Variants in CD1D observed in about 807,000 individuals in gnomAD.
CD1D encodes the protein CD1d molecule, also known as antigen-presenting glycoprotein CD1d.
In CD1D, 40 loss-of-function variants were observed where a neutral mutation model predicts 42.1. That is an observed-to-expected ratio of 0.95 (90% CI 0.74 to 1.24). CD1D has a LOEUF of 1.24. Ranked by LOEUF, CD1D falls within the 50% of genes most tolerant of loss-of-function variation. The probability of loss-of-function intolerance (pLI) is 0.00; values close to 1 mark genes in which losing one functional copy is unlikely to be tolerated. For synonymous variants in CD1D, 178 were observed against 171.8 expected, an observed-to-expected ratio of 1.04 and a Z score of -0.28; for missense variants, 437 against 416.5, an observed-to-expected ratio of 1.05 and a Z score of -0.43.
upstream of CD1D, among the ~76,000 whole-genome samples, chr1:158,179,711 A>C (rs1209871961): frequency 6.6e-6 from 1 of 152,178 alleles, no homozygotes; most frequent in East Asian, 1.9e-4. Flanking sequence ...CTGATACCTT[A>C]GTGGAAATAA....
rs1015794963 is a variant in CD1D at position 158,185,562 on chromosome 1, G to A, written c.*1412G>A. Among the ~76,000 whole-genome samples the A allele has an allele frequency of 6.6e-6, 1 of 152,118 alleles. No individual in the cohort carries two copies. Among genetic ancestry groups the A allele is most frequent in the Non-Finnish European group, 1.5e-5 (1 of 68,030 alleles). ...AAACTAGCCACCCATGGTGGTGAGCGCCTGTAGTCCTAGCTACTCTGGAGG... is the reference window on the plus strand; with the variant it reads ...AAACTAGCCACCCATGGTGGTGAGCACCTGTAGTCCTAGCTACTCTGGAGG... On this transcript the variant is annotated 3_prime_UTR_variant, in exon 6 of 6. Transcript: ENST00000674085.
At chr1:158,184,064 C>G in intron 5 of CD1D, 29 bp downstream of exon 5, 1 of 1,612,942 alleles carries the variant, frequency 6.2e-7, no homozygotes, top group South Asian at 1.1e-5. Flanking sequence ...TTTCCTCAAC[C>G]TCTCTCCCCT....
At chr1:158,178,997 A>AAAC (rs1648275677), upstream of CD1D, among the ~76,000 whole-genome samples, 1 of 149,800 alleles carries the variant, frequency 6.7e-6, no homozygotes, top group African/African-American at 2.4e-5. Context: ...GTTGATAAAC[A>AAAC]AACAAAAACA....
In CD1D at chr1:158,184,239, A is replaced by G; in HGVS notation, c.*89A>G. On this transcript the variant is annotated 3_prime_UTR_variant, in exon 6 of 6. Transcript: ENST00000674085. ...CAGTCCTGGTCTGCTCAGGAATTGAAGATGTAAGGAATTGAAGATAGGAGA... is the reference window on the plus strand; with the variant it reads ...CAGTCCTGGTCTGCTCAGGAATTGAGGATGTAAGGAATTGAAGATAGGAGA... 1 of 1,355,692 alleles carries G rather than the reference A, an allele frequency of 7.4e-7. No homozygotes were observed. The highest frequency in any genetic ancestry group is 1.2e-5 in the South Asian group (1 of 83,566). The allele number at this position is 1,355,692 out of a possible 1,614,324, so 84.0% of individuals were successfully genotyped here.
At chr1:158,184,063 CCT>C in intron 5 of CD1D, 28 bp downstream of exon 5, 2 of 1,612,934 alleles carry the variant, frequency 1.2e-6, no homozygotes, top group Non-Finnish European at 8.5e-7. Context: ...CTTTCCTCAA[CCT>C]CTCTCCCCTT....
chr1:158,180,848 A>G (rs575553325), upstream of CD1D: 2 of 423,828 alleles, frequency 4.7e-6, no homozygotes, highest in Admixed American at 3.9e-5. Flanking sequence ...TGTGAAACCT[A>G]CTGAAGTGAG....
chr1:158,183,362 TC>T (rs1378647941), intron 4 of CD1D, among the ~76,000 whole-genome samples: 1 of 152,052 alleles, frequency 6.6e-6, no homozygotes, highest in Admixed American at 6.5e-5. Flanking sequence ...GAAATAGTGC[TC>T]TCTATATACA....
chr1:158,179,706 A>T (rs553351316), upstream of CD1D, among the ~76,000 whole-genome samples: 2 of 152,300 alleles, frequency 1.3e-5, no homozygotes, highest in African/African-American at 4.8e-5. Flanking sequence ...TGGAACTGAT[A>T]CCTTAGTGGA....
chr1:158,181,857 A>G, intron 2 of CD1D, 136 bp downstream of exon 2: 1 of 1,362,438 alleles, frequency 7.3e-7, no homozygotes, highest in Non-Finnish European at 1.0e-6. Context: ...TTCTACCTGG[A>G]GATGTCCCAG....
chr1:158,178,890 A>G (rs1194079181), upstream of CD1D, among the ~76,000 whole-genome samples: 2 of 152,222 alleles, frequency 1.3e-5, no homozygotes, highest in Non-Finnish European at 2.9e-5. Context: ...GAAAGTTCCA[A>G]TAGCCAAAAA....
chr1:158,181,555 G>A lies in CD1D; in HGVS notation c.162G>A (p.Gln54=). Residue 54 remains glutamine, a synonymous_variant, in exon 2 of 6, where the codon CAG becomes CAA. Transcript: ENST00000674085. ...GCTTGGCGTGGCTGGGGGAGCTGCAGACGCACAGCTGGAGCAACGACTCGG... is the reference window on the plus strand; with the variant it reads ...GCTTGGCGTGGCTGGGGGAGCTGCAAACGCACAGCTGGAGCAACGACTCGG... ...TDGLAWLGEL[Q]THSWSNDSDT... 6.2e-7 allele frequency: 1 copy of A among 1,614,190 alleles called. No homozygotes were observed. Among genetic ancestry groups the A allele is most frequent in the African/African-American group, 1.3e-5 (1 of 75,040 alleles).
In CD1D at chr1:158,185,489, A is replaced by G. The variant is rs1451612604; in HGVS notation, c.*1339A>G. On this transcript the variant is annotated 3_prime_UTR_variant, in exon 6 of 6. Coordinates refer to ENST00000674085, the MANE Select transcript of CD1D (RefSeq NM_001371762.2). Reference sequence around the variant, plus strand: ...GGATTGTTTAAGGCCAGGCATTTGAAATCAGCCTGGGCAACATAGTGAGAC... The same window carrying G: ...GGATTGTTTAAGGCCAGGCATTTGAGATCAGCCTGGGCAACATAGTGAGAC... Among the ~76,000 whole-genome samples, 3 of 152,062 alleles carry G rather than the reference A, an allele frequency of 2.0e-5. No individual in the cohort carries two copies. Among genetic ancestry groups the G allele is most frequent in the Non-Finnish European group, 4.4e-5 (3 of 67,994 alleles).
In CD1D at chr1:158,181,181, C is replaced by G; in HGVS notation, c.61+19C>G. 1 of 1,548,534 alleles carries G rather than the reference C, an allele frequency of 6.5e-7. No individual in the cohort carries two copies. The highest frequency in any genetic ancestry group is 8.7e-7 in the Non-Finnish European group (1 of 1,146,346). ...GCTGAAGGTGGGTGGAACGAGGGCG[C>G]TTGAGTGCACTCGCGGGAGGGCGGA... On this transcript the variant is annotated intron_variant, in intron 1 of 5. Transcript: ENST00000674085.
intron 1 of CD1D, 59 bp downstream of exon 1, chr1:158,181,221 T>C (rs1648388421): frequency 3.3e-6 from 5 of 1,532,414 alleles, no homozygotes; most frequent in Non-Finnish European, 4.4e-6. Context: ...GGGAGCTGGG[T>C]AGGGACGGGG....
chr1:158,183,948 C>T lies in CD1D; in HGVS notation c.899C>T (p.Thr300Ile). The change falls in exon 5 of 6, where the codon ACC (threonine) becomes ATC (isoleucine). Residue 300 changes from threonine to isoleucine, a missense_variant. Physicochemically the swap from Thr to Ile is moderately conservative, Grantham distance 89. Transcript: ENST00000674085. ...TCCTCCAGAGCAGGTGGGAGCTACA[C>T]CTCCATGGGCTTGATTGCCTTGGCA... ...DIVLYWGGSYTSMGLIALAVL... is the reference protein window; with the variant it reads ...DIVLYWGGSYISMGLIALAVL... 1 of 1,614,046 alleles carries T rather than the reference C, an allele frequency of 6.2e-7. No homozygotes were observed. Among genetic ancestry groups the T allele is most frequent in the Middle Eastern group, 1.6e-4 (1 of 6,062 alleles).
intron 1 of CD1D, 122 bp from the exon 2 acceptor site, chr1:158,181,333 A>G: frequency 1.4e-6 from 2 of 1,467,830 alleles, no homozygotes; most frequent in Non-Finnish European, 1.9e-6. Flanking sequence ...AGCGCGGCAC[A>G]GAGTTCGCTG....
rs1411747341 is a variant in CD1D at position 158,185,097 on chromosome 1, G to C, written c.*947G>C. Among the ~76,000 whole-genome samples the C allele has an allele frequency of 6.6e-6, 1 of 151,288 alleles. No homozygotes were observed. Among genetic ancestry groups the C allele is most frequent in the African/African-American group, 2.4e-5 (1 of 41,116 alleles). On this transcript the variant is annotated 3_prime_UTR_variant, in exon 6 of 6. Transcript: ENST00000674085. ...GAAAGGGCCAACACCACTTGGGCAA[G>C]CATGAGCTGCAGCGATGATGGTGAT...
At chr1:158,182,413 C>G (rs1648486991) in intron 3 of CD1D, 103 bp downstream of exon 3, 1 of 1,319,374 alleles carries the variant, frequency 7.6e-7, no homozygotes, top group African/African-American at 1.4e-5. Context: ...AAGAGGAAGG[C>G]CCAGGAGGGG....
At position 158,182,010 on chromosome 1, in the gene CD1D, C is replaced by T. The variant is rs560271840; in HGVS notation, c.329-22C>T. On this transcript the variant is annotated intron_variant, in intron 2 of 5. Coordinates refer to ENST00000674085, the MANE Select transcript of CD1D (RefSeq NM_001371762.2). Reference sequence around the variant, plus strand: ...CCAGTCTTTTAAACCCTTCTTTGATCTTTCTCCATTCCTCTCCACAGATCC... The same window carrying T: ...CCAGTCTTTTAAACCCTTCTTTGATTTTTCTCCATTCCTCTCCACAGATCC... 13 of 1,569,340 alleles carry T rather than the reference C, an allele frequency of 8.3e-6. 1 individual carries two copies. In the South Asian group the frequency reaches 1.6e-4, roughly 19 times the overall value.
Sources: gnomAD v4.1 joint callset for allele counts (sites outside exome capture counted in the v4.1 genomes callset) on GRCh38, gnomAD v4.1.1 for gene constraint, MANE v1.5 for transcripts, NCBI Gene and HGNC (gene_info 2026-07-23, HGNC 2026-07-21) for gene names.